Variants in ZNRF3 observed in about 807,000 individuals in gnomAD.
ZNRF3 encodes zinc and ring finger 3, also known as E3 ubiquitin-protein ligase ZNRF3.
ZNRF3 carries 23 observed loss-of-function variants against 72.5 expected under a neutral mutation model. That is an observed-to-expected ratio of 0.32 (90% CI 0.23 to 0.45). The LOEUF (loss-of-function observed/expected upper bound fraction) is 0.45, where lower values mean the gene tolerates loss of function less well. Among genes scored for constraint, ZNRF3 ranks in the 20% least tolerant of loss-of-function variants. The pLI, the probability that ZNRF3 is intolerant of heterozygous loss-of-function variation, is 1.00. For synonymous variants in ZNRF3, 610 were observed against 545.3 expected (o/e 1.12, Z -1.65); for missense variants, 1,169 against 1,272.1 (o/e 0.92, Z 1.23).
chr22:28,978,097 C>G (rs770602589), intron 1 of ZNRF3, among the ~76,000 whole-genome samples: 9 of 152,202 alleles, frequency 5.9e-5, no homozygotes, highest in Non-Finnish European at 1.0e-4. Context: ...AGTTCATCTT[C>G]ATATTTAAAC....
In ZNRF3 at chr22:28,883,629, A is replaced by G; in HGVS notation, c.-138A>G. 1 of 857,310 alleles carries G rather than the reference A, an allele frequency of 1.2e-6. No homozygotes were observed. The highest frequency in any genetic ancestry group is 1.4e-6 in the Non-Finnish European group (1 of 712,752). The allele number at this position is 857,310 out of a possible 1,614,324, so 53.1% of individuals were successfully genotyped here. A position where few individuals can be genotyped will look rare whatever the true frequency, so the allele number is the denominator to read the frequency against. On this transcript the variant is annotated 5_prime_UTR_variant, in exon 1 of 9. Transcript: ENST00000544604. The surrounding 1 kb of genome is among the most constrained non-coding windows in gnomAD (Gnocchi z 5.5). ...CGCGGCGCGACGGCCGGGGGAGCCGAGCTGAGCCTGCGACCCACAAAGCCG... is the reference window on the plus strand; with the variant it reads ...CGCGGCGCGACGGCCGGGGGAGCCGGGCTGAGCCTGCGACCCACAAAGCCG...
intron 1 of ZNRF3, among the ~76,000 whole-genome samples, chr22:28,984,361 A>G (rs781011200): frequency 1.3e-5 from 2 of 151,900 alleles, no homozygotes; most frequent in Non-Finnish European, 2.9e-5. Context: ...TTCTGTCTCA[A>G]TGGTTTTGCC....
chr22:29,046,262 GT>G (rs779798193), intron 5 of ZNRF3, among the ~76,000 whole-genome samples: 1 of 152,180 alleles, frequency 6.6e-6, no homozygotes, highest in Non-Finnish European at 1.5e-5. Context: ...TCTCTTGAGG[GT>G]TGAGCGACCA....
At chr22:28,924,857 GC>G (rs143281609) in intron 1 of ZNRF3, among the ~76,000 whole-genome samples, 2,826 of 152,270 alleles carry the variant, frequency 0.019, 97 homozygotes, top group African/African-American at 0.065. Context: ...TGAGAGGCTT[GC>G]CCAAGGCTGG....
At position 29,054,601 on chromosome 22, in the gene ZNRF3, T is replaced by A. The variant is rs2037266456; in HGVS notation, c.*979T>A. 1 of 152,854 alleles carries A rather than the reference T, an allele frequency of 6.5e-6. No homozygotes were observed. The highest frequency in any genetic ancestry group is 1.5e-5 in the Non-Finnish European group (1 of 68,220). The allele number at this position is 152,854 out of a possible 1,614,324, so 9.5% of individuals were successfully genotyped here. ...GGCCCCCTGCCACTGGCTGCAGAAA[T>A]GGCTCGACGGGGTGTGTGGGGACAG... On this transcript the variant is annotated 3_prime_UTR_variant, in exon 9 of 9. Coordinates refer to ENST00000544604, the MANE Select transcript of ZNRF3 (RefSeq NM_001206998.2).
At chr22:28,898,788 A>G (rs968990701) in intron 1 of ZNRF3, among the ~76,000 whole-genome samples, 7 of 152,176 alleles carry the variant, frequency 4.6e-5, no homozygotes, top group Non-Finnish European at 1.0e-4. Flanking sequence ...TTCTAAAGAG[A>G]CTTAACAGGC....
intron 2 of ZNRF3, among the ~76,000 whole-genome samples, chr22:28,999,901 C>T (rs2036114405): frequency 6.6e-6 from 1 of 152,226 alleles, no homozygotes; most frequent in Non-Finnish European, 1.5e-5. Context: ...GCAGAGAAAG[C>T]TTGTCTGTGA....
rs141465324 is a variant in ZNRF3, at chr22:28,959,797, C to G, written c.301-27279C>G. On this transcript the variant is annotated intron_variant, in intron 1 of 8. Coordinates refer to ENST00000544604, the MANE Select transcript of ZNRF3 (RefSeq NM_001206998.2). ...TTAGTGCCCTTATAAAAAGGGACACCAGGGAGCTTGCTCTCTCTTTCTCCC... is the reference window on the plus strand; with the variant it reads ...TTAGTGCCCTTATAAAAAGGGACACGAGGGAGCTTGCTCTCTCTTTCTCCC... 3.3e-5 allele frequency among the ~76,000 whole-genome samples: 5 copies of G among 152,218 alleles called. No homozygotes were observed. The East Asian group carries it at 9.7e-4, about 29-fold the overall frequency.
rs1239676617 is a variant in ZNRF3, at chr22:29,056,549, C to T, written c.*2927C>T. ...TGTAAGACTCCACCAATGACAGACA[C>T]CCTTTTCGGTGGACTCTGAGTGGTG... On this transcript the variant is annotated 3_prime_UTR_variant, in exon 9 of 9. Coordinates refer to ENST00000544604, the MANE Select transcript of ZNRF3 (RefSeq NM_001206998.2). 6.6e-6 allele frequency: 1 copy of T among 152,196 alleles called. No individual in the cohort carries two copies. Among genetic ancestry groups the T allele is most frequent in the Admixed American group, 6.5e-5 (1 of 15,288 alleles). 9.4% of individuals were successfully genotyped at this position (152,196 alleles called of 1,614,324 possible).
At chr22:28,987,763 C>T (rs1402955468) in intron 2 of ZNRF3, among the ~76,000 whole-genome samples, 3 of 152,168 alleles carry the variant, frequency 2.0e-5, no homozygotes, top group Non-Finnish European at 4.4e-5. Flanking sequence ...GAGTTCAGGT[C>T]CATTAAGTTT....
At chr22:28,918,335 C>T (rs1472841092) in intron 1 of ZNRF3, among the ~76,000 whole-genome samples, 1 of 152,166 alleles carries the variant, frequency 6.6e-6, no homozygotes, top group African/African-American at 2.4e-5. Flanking sequence ...AAGAATAAAA[C>T]CTGGAGTGGG....
intron 2 of ZNRF3, among the ~76,000 whole-genome samples, chr22:29,008,978 G>A (rs1022549414): frequency 5.9e-5 from 9 of 152,160 alleles, no homozygotes; most frequent in Non-Finnish European, 1.2e-4. Flanking sequence ...CAAAACTAGA[G>A]CTATCCAAAC....
chr22:28,925,302 A>G (rs1056278083), intron 1 of ZNRF3, among the ~76,000 whole-genome samples: 3 of 152,142 alleles, frequency 2.0e-5, no homozygotes, highest in South Asian at 4.1e-4. Context: ...AGATGTCCCA[A>G]CCAAACCCAG....
chr22:28,900,201 T>C (rs762765460), intron 1 of ZNRF3, among the ~76,000 whole-genome samples: 2 of 152,174 alleles, frequency 1.3e-5, no homozygotes, highest in Non-Finnish European at 2.9e-5. Flanking sequence ...CCCCAGCTCC[T>C]TATTTATATT....
chr22:29,052,743 G>C (rs983889580), intron 8 of ZNRF3, among the ~76,000 whole-genome samples: 9 of 151,774 alleles, frequency 5.9e-5, no homozygotes, highest in African/African-American at 1.9e-4. Flanking sequence ...GAAGGCCAAG[G>C]CAGGAGGATC....
At chr22:28,937,215 A>ATATTTTTT (rs1384534826) in intron 1 of ZNRF3, among the ~76,000 whole-genome samples, 7 of 8,840 alleles carry the variant, frequency 7.9e-4, no homozygotes, top group African/African-American at 1.6e-3. Flanking sequence ...ATATATATAT[A>ATATTTTTT]TTTTTTTTTT....
chr22:28,894,513 A>G (rs1211854803), intron 1 of ZNRF3, among the ~76,000 whole-genome samples: 1 of 152,036 alleles, frequency 6.6e-6, no homozygotes, highest in Non-Finnish European at 1.5e-5. Flanking sequence ...GTCCAGGCAG[A>G]TGGCCATGCT....
In ZNRF3 at chr22:29,048,741, C is replaced by G. The variant is rs2037120558; in HGVS notation, c.1015+250C>G. On this transcript the variant is annotated intron_variant, in intron 7 of 8. Coordinates refer to ENST00000544604, the MANE Select transcript of ZNRF3 (RefSeq NM_001206998.2). The surrounding 1 kb of genome is among the most constrained non-coding windows in gnomAD (Gnocchi z 4.9). ...ACCTCGGGCAAGACATCTGGCCTCTCCTAGGCCTGAGGCCCCTAATCTCTT... is the reference window on the plus strand; with the variant it reads ...ACCTCGGGCAAGACATCTGGCCTCTGCTAGGCCTGAGGCCCCTAATCTCTT... 6.6e-6 allele frequency among the ~76,000 whole-genome samples: 1 copy of G among 152,208 alleles called. No homozygotes were observed. The highest frequency in any genetic ancestry group is 1.5e-5 in the Non-Finnish European group (1 of 68,026).
At chr22:28,976,674 C>T (rs144871816) in intron 1 of ZNRF3, among the ~76,000 whole-genome samples, 4 of 152,064 alleles carry the variant, frequency 2.6e-5, no homozygotes, top group Non-Finnish European at 5.9e-5. Flanking sequence ...ATAATAAGAA[C>T]GATCAAATGT....
Sources: gnomAD v4.1 joint callset for allele counts (sites outside exome capture counted in the v4.1 genomes callset) on GRCh38, gnomAD v4.1.1 for gene constraint, Gnocchi (gnomAD v3.1) non-coding constraint, MANE v1.5 for transcripts, NCBI Gene and HGNC (gene_info 2026-07-23, HGNC 2026-07-21) for gene names.